Variants in ABCB1 observed in about 807,000 individuals in gnomAD.
ABCB1 encodes the protein ATP binding cassette subfamily B member 1, also known as ATP-dependent translocase ABCB1.
Under a neutral mutation model 142.0 loss-of-function variants are expected in ABCB1, and 69 were observed. The observed-to-expected ratio is 0.49, with a 90% CI of 0.40 to 0.59. The LOEUF is 0.59. Ranked by LOEUF, ABCB1 falls within the 20% of genes least tolerant of loss-of-function variation. ABCB1 has a pLI of 0.00. For missense variants in ABCB1, 1,326 were observed against 1,554.7 expected, an observed-to-expected ratio of 0.85 and a Z score of 2.47; for synonymous variants, 532 against 539.2, an observed-to-expected ratio of 0.99 and a Z score of 0.18.
At chr7:87,612,926 T>G (rs1216789302) in intron 1 of ABCB1, among the ~76,000 whole-genome samples, 4 of 152,128 alleles carry the variant, frequency 2.6e-5, no homozygotes, top group African/African-American at 9.6e-5. Flanking sequence ...TTGTGCCATC[T>G]ATGATTTCTT....
intron 1 of ABCB1, among the ~76,000 whole-genome samples, chr7:87,695,691 A>G (rs913705539): frequency 1.3e-5 from 2 of 152,236 alleles, no homozygotes; most frequent in South Asian, 4.1e-4. Flanking sequence ...GAATTAAGTC[A>G]CTTAACAGAT....
intron 1 of ABCB1, chr7:87,693,928 T>C (rs757981347): frequency 9.9e-6 from 16 of 1,611,280 alleles, no homozygotes; most frequent in Non-Finnish European, 1.4e-5. Flanking sequence ...AAGTTGCAGA[T>C]GGCTGGCTCA....
intron 14 of ABCB1, among the ~76,000 whole-genome samples, chr7:87,547,114 C>T (rs115780656): frequency 0.017 from 2,550 of 152,266 alleles, 24 homozygotes; most frequent in African/African-American, 0.023. Flanking sequence ...TTTCCCAATG[C>T]TCATAATTTT....
At chr7:87,624,504 C>T (rs148049285) in intron 1 of ABCB1, among the ~76,000 whole-genome samples, 123 of 152,258 alleles carry the variant, frequency 8.1e-4, no homozygotes, top group African/African-American at 2.7e-3. Context: ...GTTGGGAAAA[C>T]GGTGAATGGG....
intron 1 of ABCB1, among the ~76,000 whole-genome samples, chr7:87,637,848 C>G (rs909685609): frequency 1.2e-4 from 18 of 151,824 alleles, no homozygotes; most frequent in Admixed American, 7.9e-4. Flanking sequence ...ACAGTCATGT[C>G]ATTTGCTTAT....
intron 15 of ABCB1, 126 bp downstream of exon 15, chr7:87,545,737 G>T: frequency 1.0e-6 from 1 of 1,001,808 alleles, no homozygotes; most frequent in Non-Finnish European, 1.4e-6. Flanking sequence ...GTCTCATCCT[G>T]AATCCCCCAG....
chr7:87,667,407 T>G (rs1195133147), intron 1 of ABCB1, among the ~76,000 whole-genome samples: 1 of 152,074 alleles, frequency 6.6e-6, no homozygotes, highest in Non-Finnish European at 1.5e-5. Flanking sequence ...GTTTTTTTTT[T>G]TCTAGATATA....
rs190013665 is a variant in ABCB1, at chr7:87,648,279, G to C, written c.-330-47201C>G. Among the ~76,000 whole-genome samples the C allele has an allele frequency of 1.7e-3, 265 of 151,842 alleles. 2 individuals are homozygous for C. The highest frequency in any genetic ancestry group is 1.6e-3 in the Non-Finnish European group (112 of 67,922). The stretch of plus-strand genomic sequence containing the variant: ...AAAGGGAGTTACAGAAGAAATCATT[G>C]ATCATGGGAATGTGCACATTTCTCC... On this transcript the variant is annotated intron_variant, in intron 1 of 28. Transcript: ENST00000265724.
rs202046468 is a variant in ABCB1, at chr7:87,503,817, T to C, written c.*426A>G. The stretch of plus-strand genomic sequence containing the variant: ...GCAGAAGTTATCTACAATATTCCAA[T>C]TGAGAGAAGATATATTCACAGGCAG... On this transcript the variant is annotated 3_prime_UTR_variant, in exon 28 of 28. Coordinates refer to ENST00000622132, the MANE Select transcript of ABCB1 (RefSeq NM_001348946.2). The C allele has an allele frequency of 4.4e-5, 10 of 228,580 alleles. No individual in the cohort carries two copies. The highest frequency in any genetic ancestry group is 6.2e-5 in the South Asian group (1 of 16,102). 14.2% of individuals were successfully genotyped at this position (228,580 alleles called of 1,614,324 possible). A position where few individuals can be genotyped will look rare whatever the true frequency, so the allele number is the denominator to read the frequency against.
At chr7:87,533,802 T>C (rs1470035163) in intron 20 of ABCB1, among the ~76,000 whole-genome samples, 4 of 152,212 alleles carry the variant, frequency 2.6e-5, no homozygotes, top group Non-Finnish European at 5.9e-5. Context: ...CAATCTGTGA[T>C]AACAGCTACA....
chr7:87,544,254 A>C lies in ABCB1; in HGVS notation c.2086T>G (p.Ser696Ala). 1 of 1,613,296 alleles carries C rather than the reference A, an allele frequency of 6.2e-7. No homozygotes were observed. The highest frequency in any genetic ancestry group is 8.5e-7 in the Non-Finnish European group (1 of 1,179,884). The change falls in exon 17 of 28, where the codon TCC becomes GCC. Residue 696 changes from serine to alanine, a missense_variant. By Grantham distance (99) the Ser-to-Ala change is moderately conservative. Coordinates refer to ENST00000622132, the MANE Select transcript of ABCB1 (RefSeq NM_001348946.2). ...EALDESIPPVSFWRIMKLNLT... is the reference protein window; with the variant it reads ...EALDESIPPVAFWRIMKLNLT... ...TTTAGCTTCATAATCCTCCAAAAGG[A>C]AACTGGAGGTATACTTTCATCCTAG... is the stretch of plus-strand genomic sequence containing the variant.
intron 2 of ABCB1, among the ~76,000 whole-genome samples, chr7:87,596,226 T>C (rs1819202556): frequency 6.6e-6 from 1 of 152,076 alleles, no homozygotes; most frequent in Non-Finnish European, 1.5e-5. Context: ...ATTTGATTAA[T>C]GATGGCAGTA....
chr7:87,523,745 C>A (rs1460584566), intron 21 of ABCB1, among the ~76,000 whole-genome samples: 1 of 152,124 alleles, frequency 6.6e-6, no homozygotes, highest in Admixed American at 6.5e-5. Context: ...ATGGAAAAAG[C>A]AAAGAACACC....
chr7:87,548,025 A>T (rs905043928), intron 14 of ABCB1, among the ~76,000 whole-genome samples: 1 of 149,034 alleles, frequency 6.7e-6, no homozygotes, highest in African/African-American at 2.5e-5. Flanking sequence ...CAAGAAAAGA[A>T]AAGATAAGAT....
chr7:87,548,207 AAAGGAAGGGAAGGGAAG>A (rs1816887507), intron 14 of ABCB1, among the ~76,000 whole-genome samples: 1 of 109,832 alleles, frequency 9.1e-6, no homozygotes, highest in South Asian at 4.0e-4. Context: ...AAGGGAAGGG[AAAGGAAGGGAAGGGAAG>A]GGAAAGGAAG....
rs1816527165 is a variant in ABCB1 at position 87,541,405 on chromosome 7, T to C, written c.2271A>G (p.Leu757=). The stretch of plus-strand genomic sequence containing the variant: ...AAATAATTCCAAGGGCTAGAAACAA[T>C]AGTGAAAACAAGTTACTATTCTGTC... ...TKRQNSNLFS[L]LFLALGIISF... Residue 757 remains leucine, a synonymous_variant, in exon 18 of 28, where the codon CTA becomes CTG. Coordinates refer to ENST00000622132, the MANE Select transcript of ABCB1 (RefSeq NM_001348946.2). 1 of 1,608,560 alleles carries C rather than the reference T, an allele frequency of 6.2e-7. No homozygotes were observed.
intron 1 of ABCB1, among the ~76,000 whole-genome samples, chr7:87,611,589 A>G (rs1292751054): frequency 4.0e-5 from 6 of 151,562 alleles, no homozygotes; most frequent in Non-Finnish European, 5.9e-5. Flanking sequence ...TCTGTGGTGT[A>G]GATGTACCAC....
At chr7:87,516,358 A>G in intron 24 of ABCB1, 151 bp downstream of exon 24, 2 of 950,348 alleles carry the variant, frequency 2.1e-6, no homozygotes, top group Admixed American at 2.0e-5. Flanking sequence ...GTTGATGTAT[A>G]TTATTAGCAG....
At chr7:87,521,435 T>C (rs1241057629) in intron 21 of ABCB1, 2 of 691,676 alleles carry the variant, frequency 2.9e-6, no homozygotes, top group Admixed American at 2.0e-5. Context: ...GGAAGCATCC[T>C]TAAAGTCTCT....
Sources: gnomAD v4.1 joint callset for allele counts (sites outside exome capture counted in the v4.1 genomes callset) on GRCh38, gnomAD v4.1.1 for gene constraint, MANE v1.5 for transcripts, NCBI Gene and HGNC (gene_info 2026-07-23, HGNC 2026-07-21) for gene names.